Variants in PWP1 observed in about 807,000 individuals in gnomAD.
The protein encoded by PWP1 is PWP1 homolog, endonuclein, also known as periodic tryptophan protein 1 homolog.
PWP1 carries 47 observed loss-of-function variants against 69.9 expected under a neutral mutation model. The ratio of observed to expected loss-of-function variants is 0.67; its 90% CI spans 0.53 to 0.86. The LOEUF (loss-of-function observed/expected upper bound fraction) is 0.86. Ranked by LOEUF, PWP1 falls within the 40% of genes least tolerant of loss-of-function variation. The pLI is 0.00. For synonymous variants in PWP1, 222 were observed against 208.2 expected (o/e 1.07, Z -0.57); for missense variants, 551 against 608.8 (o/e 0.91, Z 1.00).
chr12:107,693,984 T>C (rs1169376548), intron 5 of PWP1, among the ~76,000 whole-genome samples: 1 of 152,228 alleles, frequency 6.6e-6, no homozygotes, highest in Non-Finnish European at 1.5e-5. Flanking sequence ...ATCACCTTTC[T>C]TACTTAAGGA....
chr12:107,688,909 G>T, intron 3 of PWP1, 107 bp downstream of exon 3: 1 of 1,188,562 alleles, frequency 8.4e-7, no homozygotes, highest in Non-Finnish European at 1.2e-6. Context: ...CTTGACATCA[G>T]TAAGATAATC....
chr12:107,688,060 A>AAAAAAG (rs1889406545), intron 1 of PWP1, among the ~76,000 whole-genome samples: 2 of 140,326 alleles, frequency 1.4e-5, no homozygotes, highest in African/African-American at 5.2e-5. Context: ...AAAAAAAAAA[A>AAAAAAG]GAACAGAGGA....
At chr12:107,690,664 T>C (rs547705460) in intron 3 of PWP1, among the ~76,000 whole-genome samples, 15 of 152,270 alleles carry the variant, frequency 9.9e-5, no homozygotes, top group African/African-American at 3.6e-4. Context: ...GGTTTCACCA[T>C]GTTGGCCGGG....
chr12:107,697,680 T>C (rs1889619534), intron 7 of PWP1, 83 bp downstream of exon 7: 17 of 1,357,316 alleles, frequency 1.3e-5, no homozygotes, highest in Admixed American at 7.0e-5. Flanking sequence ...GACCGTACAC[T>C]TTTTCAATCA....
intron 5 of PWP1, among the ~76,000 whole-genome samples, chr12:107,695,030 C>G (rs774867825): frequency 6.6e-6 from 1 of 150,380 alleles, no homozygotes; most frequent in Admixed American, 6.7e-5. Flanking sequence ...CCAAGGCGGG[C>G]GGATCACGAG....
chr12:107,688,451 G>A lies in PWP1; in HGVS notation c.76G>A (p.Glu26Lys). The change falls in exon 2 of 15, where the codon GAG becomes AAG. Residue 26 changes from glutamate (E) to lysine (K), a missense_variant. Coordinates refer to ENST00000412830, the MANE Select transcript of PWP1 (RefSeq NM_007062.3). ...TGAAATCTTTGCTCTCTTACAGGTAGAGCTGAGTAAAGAAGAAGTAAAACG... is the reference window on the plus strand; with the variant it reads ...TGAAATCTTTGCTCTCTTACAGGTAAAGCTGAGTAAAGAAGAAGTAAAACG... ...GVAKETPDKV[E>K]LSKEEVKRLI... is the part of the protein sequence containing the mutation. 1 of 1,613,592 alleles carries A rather than the reference G, an allele frequency of 6.2e-7. No homozygotes were observed. Among genetic ancestry groups the A allele is most frequent in the Middle Eastern group, 1.7e-4 (1 of 5,946 alleles).
intron 1 of PWP1, among the ~76,000 whole-genome samples, chr12:107,686,436 G>A (rs940806368): frequency 6.6e-6 from 1 of 152,226 alleles, no homozygotes; most frequent in Non-Finnish European, 1.5e-5. Context: ...CTGGTGTGGA[G>A]GCTAAGATGT....
At chr12:107,702,755 T>C (rs12227989) in intron 8 of PWP1, among the ~76,000 whole-genome samples, 180 bp from the exon 9 acceptor site, 46,443 of 152,186 alleles carry the variant, frequency 0.31, 8,419 homozygotes, top group Middle Eastern at 0.42. Context: ...CTTATTTAGA[T>C]ACTCTTGTTT....
intron 5 of PWP1, among the ~76,000 whole-genome samples, chr12:107,694,600 G>A (rs1889546966): frequency 6.6e-6 from 1 of 152,056 alleles, no homozygotes; most frequent in Non-Finnish European, 1.5e-5. Context: ...TGATATCTTT[G>A]AACTTTTACA....
At chr12:107,688,381 C>T (rs1889414638) in intron 1 of PWP1, 67 bp from the exon 2 acceptor site, 16 of 1,449,586 alleles carry the variant, frequency 1.1e-5, no homozygotes, top group Middle Eastern at 2.4e-4. Flanking sequence ...TTGCAAACTA[C>T]TTTTTAATTC....
In PWP1 at chr12:107,685,947, C is replaced by G. The variant is rs1162308271; in HGVS notation, c.48C>G (p.Gly16=). The part of the protein sequence containing the change: ...QVTCVAWVRC[G]VAKETPDKVE... ...CGTGCGTGGCCTGGGTCCGCTGCGG[C>G]GTGGCCAAAGAGACACCAGACAAGG... Residue 16 remains glycine, a synonymous_variant, in exon 1 of 15, where the codon GGC becomes GGG. Coordinates refer to ENST00000412830, the MANE Select transcript of PWP1 (RefSeq NM_007062.3). 1 of 1,613,818 alleles carries G rather than the reference C, an allele frequency of 6.2e-7. No individual in the cohort carries two copies. Among genetic ancestry groups the G allele is most frequent in the Admixed American group, 1.7e-5 (1 of 60,014 alleles).
chr12:107,699,644 C>T (rs1889664508), intron 8 of PWP1, among the ~76,000 whole-genome samples: 1 of 152,120 alleles, frequency 6.6e-6, no homozygotes, highest in Admixed American at 6.5e-5. Context: ...GTGCTCATTG[C>T]ATGTTTGGTG....
intron 1 of PWP1, among the ~76,000 whole-genome samples, chr12:107,688,030 C>CAAAAAAAAAAAAAAAAAAAAAAA (rs56255249): frequency 2.7e-5 from 1 of 37,624 alleles, no homozygotes; most frequent in Non-Finnish European, 4.4e-5. Flanking sequence ...GACTCCGTCT[C>CAAAAAAAAAAAAAAAAAAAAAAA]AAAAAAAAAA....
At chr12:107,711,382 G>T (rs1265837586) in intron 14 of PWP1, among the ~76,000 whole-genome samples, 1 of 152,144 alleles carries the variant, frequency 6.6e-6, no homozygotes, top group African/African-American at 2.4e-5. Flanking sequence ...TTTGTTTATG[G>T]CCAGATTTTG....
At chr12:107,695,027 G>A (rs1469489512) in intron 5 of PWP1, among the ~76,000 whole-genome samples, 1 of 151,840 alleles carries the variant, frequency 6.6e-6, no homozygotes, top group Non-Finnish European at 1.5e-5. Context: ...AGGCCAAGGC[G>A]GGCGGATCAC....
intron 1 of PWP1, among the ~76,000 whole-genome samples, chr12:107,687,874 T>TA (rs1889399511): frequency 6.6e-6 from 1 of 150,858 alleles, no homozygotes; most frequent in Admixed American, 6.6e-5. Flanking sequence ...TCTACCAAAA[T>TA]ACAAAAATTA....
intron 1 of PWP1, among the ~76,000 whole-genome samples, chr12:107,686,969 CAAAAAAAAAAAAA>C (rs61728433): frequency 4.9e-4 from 52 of 106,876 alleles, no homozygotes; most frequent in African/African-American, 1.6e-3. Flanking sequence ...GACTCCGTCT[CAAAAAAAAAAAAA>C]AAAAAAAAAA....
intron 8 of PWP1, 82 bp downstream of exon 8, chr12:107,699,516 T>C: frequency 8.7e-7 from 1 of 1,155,228 alleles, no homozygotes; most frequent in Non-Finnish European, 1.3e-6. Flanking sequence ...ATCTCTTTAT[T>C]TGTGCTGTGG....
In PWP1 at chr12:107,709,100, T is replaced by C. The variant is rs367893668; in HGVS notation, c.1169-11T>C. 5.8e-5 allele frequency: 93 copies of C among 1,613,796 alleles called. No homozygotes were observed. Among genetic ancestry groups the C allele is most frequent in the Non-Finnish European group, 7.8e-5 (92 of 1,179,874 alleles). ...TTCAAAGCGAAAGTGTCTAAACTTATCTTCCTTTAGGTCTTGATCTTAGCA... is the reference window on the plus strand; with the variant it reads ...TTCAAAGCGAAAGTGTCTAAACTTACCTTCCTTTAGGTCTTGATCTTAGCA... On this transcript the variant is annotated splice_polypyrimidine_tract_variant and intron_variant, in intron 12 of 14. Transcript: ENST00000412830.
Sources: gnomAD v4.1 joint callset for allele counts (sites outside exome capture counted in the v4.1 genomes callset) on GRCh38, gnomAD v4.1.1 for gene constraint, MANE v1.5 for transcripts, NCBI Gene and HGNC (gene_info 2026-07-23, HGNC 2026-07-21) for gene names.